CDK17: variants seen among roughly 807,000 people sequenced by gnomAD.
The protein encoded by CDK17 is cyclin-dependent kinase 17.
A neutral mutation model predicts 77.6 loss-of-function variants in CDK17; 24 were observed. The ratio of observed to expected loss-of-function variants is 0.31; its 90% CI spans 0.22 to 0.44. CDK17 has a LOEUF of 0.44. Among genes scored for constraint, CDK17 ranks in the 20% least tolerant of loss-of-function variants. The pLI is 1.00. For missense variants in CDK17, 429 were observed against 622.5 expected, an observed-to-expected ratio of 0.69 and a Z score of 3.31; for synonymous variants, 203 against 210.4, an observed-to-expected ratio of 0.96 and a Z score of 0.30.
rs537861210 is a variant in CDK17, at chr12:96,331,388, T to A, written c.118+3331A>T. Reference sequence around the variant, plus strand: ...CAGTTTGGAAATTTTTCTGCAAAAATTTTATTTCATATTTAGGGAAAGGTG... The same window carrying A: ...CAGTTTGGAAATTTTTCTGCAAAAAATTTATTTCATATTTAGGGAAAGGTG... On this transcript the variant is annotated intron_variant, in intron 2 of 16. Coordinates refer to ENST00000261211, the MANE Select transcript of CDK17 (RefSeq NM_002595.5). 4.6e-5 allele frequency among the ~76,000 whole-genome samples: 7 copies of A among 152,284 alleles called. No individual in the cohort carries two copies. In the South Asian group the frequency reaches 1.5e-3, roughly 32 times the overall value.
intron 1 of CDK17, among the ~76,000 whole-genome samples, chr12:96,352,699 T>G (rs1305452772): frequency 2.0e-5 from 3 of 152,192 alleles, no homozygotes; most frequent in African/African-American, 7.2e-5. Flanking sequence ...CTTCAGTCTG[T>G]ACTGTCCTTT....
intron 3 of CDK17, among the ~76,000 whole-genome samples, chr12:96,318,211 C>T (rs1054458038): frequency 6.6e-6 from 1 of 151,796 alleles, no homozygotes; most frequent in African/African-American, 2.4e-5. Flanking sequence ...AAGGCCATTA[C>T]ATAATGGTAA....
intron 1 of CDK17, among the ~76,000 whole-genome samples, chr12:96,364,768 CA>C (rs1424799002): frequency 2.0e-5 from 3 of 152,174 alleles, no homozygotes; most frequent in African/African-American, 7.2e-5. Flanking sequence ...CTATGTTTCA[CA>C]AATGAACTTC....
In CDK17 at chr12:96,311,232, G is replaced by C; in HGVS notation, c.418-55C>G. ...AGTAAAGGCAAGGCATTTGGCTTTT[G>C]TATTCACAGGCTCTAACATATTATT... is the stretch of plus-strand genomic sequence containing the variant. On this transcript the variant is annotated intron_variant, in intron 4 of 16. Coordinates refer to ENST00000261211, the MANE Select transcript of CDK17 (RefSeq NM_002595.5). 5 of 1,382,320 alleles carry C rather than the reference G, an allele frequency of 3.6e-6. No individual in the cohort carries two copies. The South Asian group carries it at 7.4e-5, about 20-fold the overall frequency. The allele number at this position is 1,382,320 out of a possible 1,614,324, so 85.6% of individuals were successfully genotyped here.
At chr12:96,382,473 A>G (rs1421563773) in intron 1 of CDK17, among the ~76,000 whole-genome samples, 1 of 152,144 alleles carries the variant, frequency 6.6e-6, no homozygotes, top group Non-Finnish European at 1.5e-5. Context: ...AAACTATTCC[A>G]AAATATCAAG....
chr12:96,375,302 T>C (rs2137215979), intron 1 of CDK17, among the ~76,000 whole-genome samples: 1 of 152,100 alleles, frequency 6.6e-6, no homozygotes, highest in African/African-American at 2.4e-5. Context: ...TATAACAATA[T>C]CTTGGTTTTC....
At chr12:96,289,310 AG>A in intron 10 of CDK17, 23 bp from the exon 11 acceptor site, 1 of 1,613,254 alleles carries the variant, frequency 6.2e-7, no homozygotes, top group Non-Finnish European at 8.5e-7. Context: ...AATAAAACAA[AG>A]GGTTAAGAAA....
intron 1 of CDK17, among the ~76,000 whole-genome samples, chr12:96,370,057 G>A (rs1953666668): frequency 6.6e-6 from 1 of 152,002 alleles, no homozygotes. Flanking sequence ...AAGAACGGAG[G>A]GCATTTTAAA....
Position 96,314,342 on chromosome 12 carries a change from T to C in CDK17, c.284-888A>G, listed in dbSNP as rs185353588. On this transcript the variant is annotated intron_variant, in intron 3 of 16. Transcript: ENST00000261211. ...AAGTAGCTGGGAGTACAGGCACCCA[T>C]CACATCTGGTGTTTTGTTTTGTTTT... 1.5e-3 allele frequency among the ~76,000 whole-genome samples: 234 copies of C among 152,186 alleles called. 1 individual carries two copies. The highest frequency in any genetic ancestry group is 2.6e-3 in the Non-Finnish European group (178 of 67,990).
At chr12:96,360,648 C>T (rs931998683) in intron 1 of CDK17, among the ~76,000 whole-genome samples, 3 of 152,098 alleles carry the variant, frequency 2.0e-5, no homozygotes, top group Non-Finnish European at 2.9e-5. Flanking sequence ...CAGCACTGGC[C>T]TCAAGATGAG....
chr12:96,362,421 A>G lies in CDK17; in HGVS notation c.-29-27556T>C, dbSNP rs1344718152. 2.0e-5 allele frequency among the ~76,000 whole-genome samples: 3 copies of G among 151,896 alleles called. No homozygotes were observed. In the East Asian group the frequency reaches 5.8e-4, roughly 29 times the overall value. On this transcript the variant is annotated intron_variant, in intron 1 of 16. Coordinates refer to ENST00000261211, the MANE Select transcript of CDK17 (RefSeq NM_002595.5). ...TTTAGTAGAGACGGAGTTTTACCAC[A>G]TTGGCCAGGCTGGTCTCAAACTCCT...
At chr12:96,318,643 T>A (rs1204286610) in intron 3 of CDK17, among the ~76,000 whole-genome samples, 1 of 144,286 alleles carries the variant, frequency 6.9e-6, no homozygotes, top group Non-Finnish European at 1.5e-5. Flanking sequence ...GGATTAAGAA[T>A]CTCACTCAAA....
At chr12:96,294,092 A>T (rs1952364999) in intron 10 of CDK17, among the ~76,000 whole-genome samples, 1 of 152,208 alleles carries the variant, frequency 6.6e-6, no homozygotes, top group Non-Finnish European at 1.5e-5. Context: ...GCACTCAAAT[A>T]ATCACATGAG....
intron 1 of CDK17, among the ~76,000 whole-genome samples, chr12:96,392,771 A>T (rs1954091062): frequency 6.6e-6 from 1 of 152,202 alleles, no homozygotes; most frequent in Non-Finnish European, 1.5e-5. Flanking sequence ...TAGATTAGAA[A>T]TAAAGAGGTG....
intron 3 of CDK17, 57 bp from the exon 4 acceptor site, chr12:96,313,511 T>C (rs931949208): frequency 6.0e-6 from 6 of 1,006,260 alleles, no homozygotes; most frequent in Admixed American, 3.6e-5. Flanking sequence ...ATATAATTTA[T>C]TATCACTATG....
intron 1 of CDK17, among the ~76,000 whole-genome samples, chr12:96,358,111 A>G (rs1483767056): frequency 6.6e-6 from 1 of 152,176 alleles, no homozygotes; most frequent in Non-Finnish European, 1.5e-5. Flanking sequence ...AAAACACACA[A>G]TATATTTACT....
intron 3 of CDK17, among the ~76,000 whole-genome samples, chr12:96,315,585 A>G (rs1183645497): frequency 6.6e-6 from 1 of 152,222 alleles, no homozygotes; most frequent in Non-Finnish European, 1.5e-5. Context: ...AAATAATTTA[A>G]TCATGGCTTC....
chr12:96,316,313 G>A (rs547421772), intron 3 of CDK17, among the ~76,000 whole-genome samples: 1,902 of 151,998 alleles, frequency 0.013, 25 homozygotes, highest in Non-Finnish European at 0.02. Flanking sequence ...CTACGCCCAC[G>A]GAGTCTTGCT....
At chr12:96,291,122 CAAAA>C (rs34053593) in intron 10 of CDK17, among the ~76,000 whole-genome samples, 26 of 131,738 alleles carry the variant, frequency 2.0e-4, no homozygotes, top group Non-Finnish European at 2.5e-4. Flanking sequence ...ACTATGCAAC[CAAAA>C]AAAAAAAAAA....
Sources: gnomAD v4.1 joint callset for allele counts (sites outside exome capture counted in the v4.1 genomes callset) on GRCh38, gnomAD v4.1.1 for gene constraint, MANE v1.5 for transcripts, NCBI Gene and HGNC (gene_info 2026-07-23, HGNC 2026-07-21) for gene names.